Variants in FANCA observed in about 807,000 individuals in gnomAD.
The protein encoded by FANCA is Fanconi anemia group A protein.
FANCA carries 236 observed loss-of-function variants against 194.3 expected under a neutral mutation model. The observed-to-expected ratio is 1.21, with a 90% CI of 1.09 to 1.35. FANCA has a LOEUF of 1.35. Ranked by LOEUF, FANCA falls within the 40% of genes most tolerant of loss-of-function variation. The pLI, the probability that FANCA is intolerant of heterozygous loss-of-function variation, is 0.00. For synonymous variants in FANCA, 1,014 were observed against 715.8 expected (o/e 1.42, Z -6.65); for missense variants, 2,628 against 1,813.9 (o/e 1.45, Z -8.15).
intron 20 of FANCA, 100 bp downstream of exon 20, chr16:89,778,701 A>C (rs896523567): frequency 9.1e-6 from 10 of 1,093,614 alleles, no homozygotes; most frequent in Non-Finnish European, 1.3e-5. Flanking sequence ...AATAAAACAC[A>C]ATAGTGGTCT....
At chr16:89,775,907 ATTAAAT>A (rs1236795759) in intron 20 of FANCA, 92 bp from the exon 21 acceptor site, 1 of 769,388 alleles carries the variant, frequency 1.3e-6, no homozygotes, top group African/African-American at 1.8e-5. Context: ...ATAAAAACAT[ATTAAAT>A]TTAAATAAAT....
At chr16:89,752,286 T>C in intron 30 of FANCA, 64 bp from the exon 31 acceptor site, 1 of 1,292,360 alleles carries the variant, frequency 7.7e-7, no homozygotes. Context: ...TTCCCAGTTC[T>C]CCTCCTGCCT....
At chr16:89,799,094 A>G in intron 10 of FANCA, 72 bp downstream of exon 10, 1 of 1,614,164 alleles carries the variant, frequency 6.2e-7, no homozygotes, top group South Asian at 1.1e-5. Context: ...AAGTGTTTAA[A>G]ATATCTTGGC....
rs376361490 is a variant in FANCA, at chr16:89,739,007, A to G, written c.4168-33T>C. 1.1e-5 allele frequency: 17 copies of G among 1,614,106 alleles called. No homozygotes were observed. In the African/African-American group the frequency reaches 1.9e-4, roughly 18 times the overall value. On this transcript the variant is annotated intron_variant, in intron 41 of 42. Transcript: ENST00000389301. ...GAAAACAGGCAAACTCACAGGTTAG[A>G]AGACATACAGAAACAGGGCTGGTGT...
chr16:89,796,214 A>G (rs1376984434), intron 10 of FANCA, among the ~76,000 whole-genome samples, 196 bp from the exon 11 acceptor site: 1 of 152,176 alleles, frequency 6.6e-6, no homozygotes, highest in Non-Finnish European at 1.5e-5. Flanking sequence ...GGGCAAGGCA[A>G]CGGCGAAACC....
At chr16:89,766,744 C>T (rs758739813) in intron 27 of FANCA, among the ~76,000 whole-genome samples, 1 of 151,906 alleles carries the variant, frequency 6.6e-6, no homozygotes, top group African/African-American at 2.4e-5. Flanking sequence ...TTTGTCTGAA[C>T]AATGTAAGGA....
chr16:89,751,554 G>C (rs191025014), intron 31 of FANCA, among the ~76,000 whole-genome samples: 3 of 152,302 alleles, frequency 2.0e-5, no homozygotes, highest in African/African-American at 4.8e-5. Flanking sequence ...TCTAGGGAAA[G>C]CATCTGGCTA....
chr16:89,814,619 A>C lies in FANCA; in HGVS notation c.190-6T>G. The stretch of plus-strand genomic sequence containing the variant: ...TTACACAGTGGACCTTCTACCTAGA[A>C]TCCAAAACACAACAAACTCCATTTA... On this transcript the variant is annotated splice_polypyrimidine_tract_variant and splice_region_variant and intron_variant, in intron 2 of 42. Coordinates refer to ENST00000389301, the MANE Select transcript of FANCA (RefSeq NM_000135.4). The C allele has an allele frequency of 6.2e-7, 1 of 1,605,684 alleles. No individual in the cohort carries two copies. The highest frequency in any genetic ancestry group is 8.5e-7 in the Non-Finnish European group (1 of 1,172,440).
At chr16:89,811,753 T>C (rs2040890262) in intron 3 of FANCA, among the ~76,000 whole-genome samples, 1 of 152,156 alleles carries the variant, frequency 6.6e-6, no homozygotes, top group Admixed American at 6.5e-5. Context: ...TTTTTTGCAA[T>C]GGTGTCTTAC....
In FANCA at chr16:89,816,562, G is replaced by A. The variant is rs1380627104; in HGVS notation, c.54C>T (p.Arg18=). 6.6e-7 allele frequency: 1 copy of A among 1,512,562 alleles called. No homozygotes were observed. Among genetic ancestry groups the A allele is most frequent in the Admixed American group, 2.0e-5 (1 of 49,218 alleles). 93.7% of individuals were successfully genotyped at this position (1,512,562 alleles called of 1,614,324 possible). A position where few individuals can be genotyped will look rare whatever the true frequency, so the allele number is the denominator to read the frequency against. Residue 18 remains arginine, a synonymous_variant, in exon 1 of 43, where the codon CGC becomes CGT. Transcript: ENST00000389301. The stretch of plus-strand genomic sequence containing the variant: ...CCAGCAGCTCGGCCCAGGCCCTCCG[G>A]CGGCCCCCTGGGTCCTGGCCCGAGG... The part of the protein sequence containing the change: ...NSASGQDPGG[R]RRAWAELLAG...
At chr16:89,807,765 C>A (rs1469068099) in intron 6 of FANCA, among the ~76,000 whole-genome samples, 11 of 152,094 alleles carry the variant, frequency 7.2e-5, no homozygotes, top group African/African-American at 2.7e-4. Context: ...CGCCTGTAGT[C>A]CCAGCTACTC....
intron 30 of FANCA, among the ~76,000 whole-genome samples, chr16:89,755,059 G>A (rs962218329): frequency 4.6e-5 from 7 of 152,178 alleles, no homozygotes; most frequent in African/African-American, 1.7e-4. Flanking sequence ...AACACAATGA[G>A]AGCCAGAAAC....
chr16:89,765,174 C>A lies in FANCA; in HGVS notation c.2602-108G>T. 4 of 1,312,818 alleles carry A rather than the reference C, an allele frequency of 3.0e-6. No individual in the cohort carries two copies. In the Admixed American group the frequency reaches 7.8e-5, roughly 26 times the overall value. The allele number at this position is 1,312,818 out of a possible 1,614,324, so 81.3% of individuals were successfully genotyped here. ...ACCATCAACAGCCCACACACACAACCCCACATTCAGAGGACCTCAGTCCAG... is the reference window on the plus strand; with the variant it reads ...ACCATCAACAGCCCACACACACAACACCACATTCAGAGGACCTCAGTCCAG... On this transcript the variant is annotated intron_variant, in intron 27 of 42. Coordinates refer to ENST00000389301, the MANE Select transcript of FANCA (RefSeq NM_000135.4).
intron 30 of FANCA, among the ~76,000 whole-genome samples, chr16:89,757,940 C>A (rs4490003): frequency 0.41 from 61,638 of 152,020 alleles, 13,703 homozygotes; most frequent in East Asian, 0.75. Context: ...ACTGCAACCT[C>A]TGCCTCCCAG....
chr16:89,814,725 G>T (rs865834229), intron 2 of FANCA, 112 bp from the exon 3 acceptor site: 2 of 756,928 alleles, frequency 2.6e-6, no homozygotes, highest in African/African-American at 3.5e-5. Context: ...GGCAGATCAC[G>T]AGGTCAAGAG....
At chr16:89,786,015 A>ATTTTTT (rs67279101) in intron 14 of FANCA, among the ~76,000 whole-genome samples, 3 of 104,096 alleles carry the variant, frequency 2.9e-5, no homozygotes, top group Non-Finnish European at 5.5e-5. Flanking sequence ...ACTCCCAGCT[A>ATTTTTT]TTTTTTTTTT....
chr16:89,773,440 C>CA (rs2039393451), intron 21 of FANCA, 56 bp from the exon 22 acceptor site: 2 of 1,253,602 alleles, frequency 1.6e-6, no homozygotes, highest in Admixed American at 4.0e-5. Context: ...CTCTTCACTG[C>CA]AAAAATAGAA....
At position 89,758,580 on chromosome 16, in the gene FANCA, T is replaced by C. The variant is rs542046764; in HGVS notation, c.2978A>G (p.Gln993Arg). The change falls in exon 30 of 43, where the codon CAA (glutamine) becomes CGA (arginine). Residue 993 changes from glutamine (Q) to arginine (R), a missense_variant. Transcript: ENST00000389301. ...ILVNALMDFH[Q>R]SSRSYDHSEN... ...TAATACAGTGTGTGCTGCTAACCTT[T>C]GGTGGAAATCCATCAGTGCGTTGAC... 1 of 1,613,584 alleles carries C rather than the reference T, an allele frequency of 6.2e-7. No individual in the cohort carries two copies. The highest frequency in any genetic ancestry group is 1.3e-5 in the African/African-American group (1 of 75,032).
At chr16:89,773,911 A>T (rs1286809251) in intron 21 of FANCA, among the ~76,000 whole-genome samples, 1 of 151,816 alleles carries the variant, frequency 6.6e-6, no homozygotes, top group Non-Finnish European at 1.5e-5. Context: ...CTGGGACTAC[A>T]GGCACGCACC....
Sources: allele counts gnomAD v4.1 joint callset (sites outside exome capture counted in the v4.1 genomes callset), GRCh38; gene constraint gnomAD v4.1.1; transcripts MANE v1.5; gene names NCBI Gene and HGNC (gene_info 2026-07-23, HGNC 2026-07-21).